Variants in PKP4 observed in about 807,000 individuals in gnomAD.
The protein encoded by PKP4 is plakophilin-4.
Under a neutral mutation model 145.1 loss-of-function variants are expected in PKP4, and 90 were observed. The ratio of observed to expected loss-of-function variants is 0.62; its 90% CI spans 0.52 to 0.74. PKP4 has a LOEUF of 0.74. PKP4 is among the 30% of genes least tolerant of loss of function. The pLI is 0.00. For synonymous variants in PKP4, 563 were observed against 577.2 expected (o/e 0.98, Z 0.35); for missense variants, 1,340 against 1,482.7 (o/e 0.90, Z 1.58).
chr2:158,618,601 T>A (rs772150824), intron 4 of PKP4, among the ~76,000 whole-genome samples: 1 of 152,242 alleles, frequency 6.6e-6, no homozygotes, highest in Non-Finnish European at 1.5e-5. Flanking sequence ...CTAAGGTTAT[T>A]TATTTTAAAT....
intron 1 of PKP4, among the ~76,000 whole-genome samples, chr2:158,462,259 T>C (rs1689884069): frequency 6.6e-6 from 1 of 152,132 alleles, no homozygotes; most frequent in South Asian, 2.1e-4. Flanking sequence ...GACAAACCAT[T>C]TAATGTTTGG....
At chr2:158,610,224 A>G (rs1416394826) in intron 4 of PKP4, among the ~76,000 whole-genome samples, 1 of 152,106 alleles carries the variant, frequency 6.6e-6, no homozygotes, top group African/African-American at 2.4e-5. Context: ...TTCTGCTGAA[A>G]CATTTCCGAG....
chr2:158,629,489 G>A (rs892687953), intron 7 of PKP4, among the ~76,000 whole-genome samples: 3 of 152,090 alleles, frequency 2.0e-5, no homozygotes, highest in Non-Finnish European at 4.4e-5. Context: ...TGTGGTCTTC[G>A]TTATAGCAAG....
intron 2 of PKP4, among the ~76,000 whole-genome samples, chr2:158,535,099 T>C (rs1475999687): frequency 6.6e-6 from 1 of 152,210 alleles, no homozygotes; most frequent in Non-Finnish European, 1.5e-5. Context: ...CACATCTGTG[T>C]CTTTTTCCAA....
intron 1 of PKP4, among the ~76,000 whole-genome samples, chr2:158,517,541 T>C (rs983967023): frequency 1.3e-5 from 2 of 152,204 alleles, no homozygotes; most frequent in Non-Finnish European, 2.9e-5. Flanking sequence ...TTTGTACTTT[T>C]ACACCTGGTT....
chr2:158,573,111 G>A (rs1424835884), intron 2 of PKP4, among the ~76,000 whole-genome samples: 1 of 152,158 alleles, frequency 6.6e-6, no homozygotes, highest in Non-Finnish European at 1.5e-5. Context: ...AACAACCCAA[G>A]GTTCATGATG....
intron 1 of PKP4, among the ~76,000 whole-genome samples, chr2:158,464,857 A>T (rs766389083): frequency 1.6e-4 from 24 of 152,208 alleles, no homozygotes; most frequent in Non-Finnish European, 3.1e-4. Context: ...GGGACTGTAG[A>T]CAATTAGTAC....
intron 2 of PKP4, among the ~76,000 whole-genome samples, chr2:158,564,397 C>T (rs1013990531): frequency 6.6e-6 from 1 of 152,062 alleles, no homozygotes; most frequent in Admixed American, 6.5e-5. Flanking sequence ...ATGGAGATGC[C>T]ATCGTTTGTT....
At chr2:158,623,018 A>G (rs1368726091) in intron 6 of PKP4, among the ~76,000 whole-genome samples, 1 of 152,180 alleles carries the variant, frequency 6.6e-6, no homozygotes, top group Non-Finnish European at 1.5e-5. Flanking sequence ...ATTGTTTGCA[A>G]GGGGGTGTCT....
chr2:158,540,618 T>TGATGCATAA (rs2044433135), intron 2 of PKP4, among the ~76,000 whole-genome samples: 1 of 152,168 alleles, frequency 6.6e-6, no homozygotes, highest in African/African-American at 2.4e-5. Context: ...ATTCATTAAT[T>TGATGCATAA]GATGCATAAG....
chr2:158,533,633 G>A (rs937981814), intron 2 of PKP4: 1 of 390,728 alleles, frequency 2.6e-6, no homozygotes, highest in Non-Finnish European at 5.0e-6. Context: ...TCTCAGTGCT[G>A]ACTTTTCTAT....
chr2:158,673,100 G>A (rs1032774616), intron 17 of PKP4, among the ~76,000 whole-genome samples: 2 of 152,188 alleles, frequency 1.3e-5, no homozygotes, highest in Non-Finnish European at 2.9e-5. Flanking sequence ...TCGGAATCCA[G>A]TTGGCTATGC....
At chr2:158,545,073 CTTTTTTTTTTTTT>C (rs386391605) in intron 2 of PKP4, among the ~76,000 whole-genome samples, 2 of 72,512 alleles carry the variant, frequency 2.8e-5, no homozygotes, top group African/African-American at 5.7e-5. Context: ...AAGTCTTTCA[CTTTTTTTTTTTTT>C]TTTTTTTTTT....
At position 158,603,083 on chromosome 2, in the gene PKP4, T is replaced by G. The variant is rs138903553; in HGVS notation, c.259T>G (p.Ser87Ala). Reference protein sequence around the residue: ...SIASTSSTEKSFPWRSTDVPN... With the variant: ...SIASTSSTEKAFPWRSTDVPN... ...CTTTTTCTTTAGCTCAACTGAGAAG[T>G]CATTTCCTTGGAGATCAACAGGTAT... Residue 87 changes from serine to alanine, a missense_variant, in exon 4 of 22, where the codon TCA becomes GCA. Physicochemically the swap from Ser to Ala is moderately conservative, Grantham distance 99 (BLOSUM62 1). Transcript: ENST00000389759. 9 of 1,489,622 alleles carry G rather than the reference T, an allele frequency of 6.0e-6. No individual in the cohort carries two copies. The Admixed American group carries it at 1.9e-4, about 31-fold the overall frequency. 92.3% of individuals were successfully genotyped at this position (1,489,622 alleles called of 1,614,324 possible). A position where few individuals can be genotyped will look rare whatever the true frequency, so the allele number is the denominator to read the frequency against.
intron 1 of PKP4, among the ~76,000 whole-genome samples, chr2:158,514,138 G>T (rs920489427): frequency 6.6e-6 from 1 of 152,166 alleles, no homozygotes; most frequent in Admixed American, 6.5e-5. Context: ...ACACAGATAT[G>T]TTGTCATATC....
At chr2:158,660,297 T>A (rs755628015) in intron 12 of PKP4, 3 of 152,582 alleles carry the variant, frequency 2.0e-5, no homozygotes, top group Non-Finnish European at 4.4e-5. Flanking sequence ...TAAAGGCAGA[T>A]GTGTGCCAAC....
Position 158,643,723 on chromosome 2 carries a change from A to AAG in PKP4, c.1909+1025_1909+1026insGA, listed in dbSNP as rs1553469870. Among the ~76,000 whole-genome samples the AAG allele has an allele frequency of 8.5e-4, 120 of 141,774 alleles. 2 individuals are homozygous for AAG. Among genetic ancestry groups the AAG allele is most frequent in the Non-Finnish European group, 1.1e-3 (69 of 64,944 alleles). The allele number at this position is 141,774 out of a possible 152,430, so 93.0% of individuals were successfully genotyped here. On this transcript the variant is annotated intron_variant, in intron 11 of 21. Transcript: ENST00000389759. ...GTGAGGCCCTGTTTCAAAAAAAAAA[A>AAG]AAAAAGAAAAGAAAACAAGGCCAGA...
intron 2 of PKP4, among the ~76,000 whole-genome samples, chr2:158,562,043 C>T (rs1248704939): frequency 1.3e-5 from 2 of 149,568 alleles, no homozygotes; most frequent in African/African-American, 4.9e-5. Flanking sequence ...GAACTGTTTT[C>T]ATCCTGGGAG....
intron 1 of PKP4, among the ~76,000 whole-genome samples, chr2:158,463,895 G>A (rs961051228): frequency 1.3e-5 from 2 of 152,164 alleles, no homozygotes; most frequent in African/African-American, 2.4e-5. Context: ...TGTCTTGTGC[G>A]GTAGTGGTGA....
Sources: allele counts gnomAD v4.1 joint callset (sites outside exome capture counted in the v4.1 genomes callset), GRCh38; gene constraint gnomAD v4.1.1; transcripts MANE v1.5; gene names NCBI Gene and HGNC (gene_info 2026-07-23, HGNC 2026-07-21).